The following TBCK variants were observed in gnomAD, a reference collection of about 807,000 sequenced individuals.
The protein encoded by TBCK is TBC domain-containing protein kinase-like protein.
Under a neutral mutation model 113.4 loss-of-function variants are expected in TBCK, and 99 were observed. That is an observed-to-expected ratio of 0.87 (90% CI 0.74 to 1.03). The LOEUF is 1.03. TBCK is among the 50% of genes least tolerant of loss of function. The pLI is 0.00. For missense variants in TBCK, 1,045 were observed against 1,061.3 expected (o/e 0.98, Z 0.21); for synonymous variants, 369 against 370.8 (o/e 1.00, Z 0.05).
intron 24 of TBCK, among the ~76,000 whole-genome samples, chr4:106,096,638 G>A (rs1740942259): frequency 6.6e-6 from 1 of 152,162 alleles, no homozygotes; most frequent in South Asian, 2.1e-4. Flanking sequence ...GTGAGCCTAG[G>A]TTGTCGTGTT....
chr4:106,222,552 A>G (rs1234877808), intron 19 of TBCK, among the ~76,000 whole-genome samples: 6 of 152,124 alleles, frequency 3.9e-5, no homozygotes, highest in Non-Finnish European at 8.8e-5. Context: ...TGGGATTTAA[A>G]ACAAATGTTT....
intron 3 of TBCK, among the ~76,000 whole-genome samples, chr4:106,285,134 C>T (rs930345514): frequency 3.3e-5 from 5 of 152,072 alleles, no homozygotes; most frequent in Non-Finnish European, 7.4e-5. Flanking sequence ...CAGCAGCTGT[C>T]TCAAAATTAA....
chr4:106,290,312 G>C (rs1033584893), intron 3 of TBCK, among the ~76,000 whole-genome samples: 1 of 151,998 alleles, frequency 6.6e-6, no homozygotes, highest in African/African-American at 2.4e-5. Context: ...TGGGTAGCTG[G>C]GACTACAGGC....
intron 7 of TBCK, among the ~76,000 whole-genome samples, 174 bp downstream of exon 7, chr4:106,250,244 G>A (rs1333131145): frequency 6.6e-6 from 1 of 151,998 alleles, no homozygotes; most frequent in Non-Finnish European, 1.5e-5. Flanking sequence ...TAATATTTTA[G>A]AAGGGACCTC....
chr4:106,188,869 C>T (rs1753338091), intron 22 of TBCK, among the ~76,000 whole-genome samples: 1 of 152,170 alleles, frequency 6.6e-6, no homozygotes, highest in African/African-American at 2.4e-5. Context: ...AATCACGTTA[C>T]AATTTCAGAG....
intron 2 of TBCK, among the ~76,000 whole-genome samples, chr4:106,301,173 A>G: frequency 6.8e-6 from 1 of 146,904 alleles, no homozygotes; most frequent in East Asian, 2.0e-4. Context: ...AACTTATATA[A>G]TTATATATAT....
intron 23 of TBCK, among the ~76,000 whole-genome samples, chr4:106,124,615 T>G (rs938080074): frequency 6.6e-5 from 10 of 152,074 alleles, no homozygotes; most frequent in Non-Finnish European, 1.2e-4. Context: ...TGTCCAACAA[T>G]GATAGACTGG....
chr4:106,194,593 G>T, intron 21 of TBCK, 125 bp downstream of exon 21: 1 of 692,588 alleles, frequency 1.4e-6, no homozygotes, highest in Non-Finnish European at 2.4e-6. Context: ...ACTCTATTAT[G>T]TTAGAAACAC....
chr4:106,161,813 C>T (rs1407341266), intron 23 of TBCK, among the ~76,000 whole-genome samples: 1 of 151,830 alleles, frequency 6.6e-6, no homozygotes, highest in African/African-American at 2.4e-5. Flanking sequence ...AACCGGAAGC[C>T]ATGGTAACTG....
At position 106,044,011 on chromosome 4, in the gene TBCK, AT is replaced by A. The variant is rs1247301687; in HGVS notation, c.*2558del. The A allele has an allele frequency of 6.6e-6, 1 of 152,188 alleles. No individual in the cohort carries two copies. Among genetic ancestry groups the A allele is most frequent in the Non-Finnish European group, 1.5e-5 (1 of 68,034 alleles). 9.4% of individuals were successfully genotyped at this position (152,188 alleles called of 1,614,324 possible). A position where few individuals can be genotyped will look rare whatever the true frequency, so the allele number is the denominator to read the frequency against. On this transcript the variant is annotated 3_prime_UTR_variant, in exon 26 of 26. Transcript: ENST00000394708. ...TACTTTACTGTTGAGAATATTAAAT[AT>A]TATAATTTTCATGTTTAAAAAACTT...
chr4:106,182,971 A>C (rs1752578742), intron 22 of TBCK, among the ~76,000 whole-genome samples: 5 of 152,106 alleles, frequency 3.3e-5, no homozygotes. Flanking sequence ...ACGTTTAAGG[A>C]CTGTTAGTAG....
At position 106,235,332 on chromosome 4, in the gene TBCK, T is replaced by C. The variant is rs1029094834; in HGVS notation, c.1386A>G (p.Glu462=). ...TAAGAGGAGGAATGTCAACTCTTGC[T>C]TCTTTCCAGATTTGGTTTTTTTTAT... ...YPYKKNQIWK[E]ARVDIPPLMR... is the part of the protein sequence containing the mutation. The change falls in exon 15 of 26, where the codon GAA becomes GAG. Residue 462 remains glutamate, a synonymous_variant. Coordinates refer to ENST00000394708, the MANE Select transcript of TBCK (RefSeq NM_001163435.3). 9.9e-6 allele frequency: 16 copies of C among 1,610,640 alleles called. No individual in the cohort carries two copies. Among genetic ancestry groups the C allele is most frequent in the African/African-American group, 1.3e-5 (1 of 74,748 alleles).
At chr4:106,266,144 G>C (rs1369444405) in intron 3 of TBCK, among the ~76,000 whole-genome samples, 2 of 151,614 alleles carry the variant, frequency 1.3e-5, no homozygotes, top group Admixed American at 6.6e-5. Flanking sequence ...AATAGTTATA[G>C]AGGCAAAGAT....
intron 23 of TBCK, 63 bp downstream of exon 23, chr4:106,171,032 G>T: frequency 1.6e-6 from 2 of 1,279,866 alleles, no homozygotes; most frequent in South Asian, 1.6e-5. Context: ...AAGATACTAG[G>T]GTATATTAAT....
intron 23 of TBCK, among the ~76,000 whole-genome samples, chr4:106,123,610 T>C (rs1039909721): frequency 2.0e-5 from 3 of 152,146 alleles, no homozygotes; most frequent in Non-Finnish European, 4.4e-5. Flanking sequence ...TCACACTACC[T>C]GACTTCAAAC....
intron 19 of TBCK, chr4:106,213,492 C>A: frequency 6.2e-6 from 1 of 162,386 alleles, no homozygotes; most frequent in Non-Finnish European, 1.3e-5. Context: ...AGACAGTGGG[C>A]GCAGGCAAGT....
intron 25 of TBCK, among the ~76,000 whole-genome samples, chr4:106,048,765 T>C (rs1425563202): frequency 6.6e-6 from 1 of 152,148 alleles, no homozygotes; most frequent in Non-Finnish European, 1.5e-5. Flanking sequence ...GGACTGTACA[T>C]GCAACTAATC....
chr4:106,064,174 C>T (rs969768412), intron 25 of TBCK, among the ~76,000 whole-genome samples: 1 of 151,718 alleles, frequency 6.6e-6, no homozygotes, highest in Non-Finnish European at 1.5e-5. Flanking sequence ...TGGGTTGTTA[C>T]CTTATTTTAA....
rs1412042887 is a variant in TBCK, at chr4:106,042,689, G to C, written c.*3881C>G. ...CTAATTCCCAAAGGAATATTTTTTGGTAACTATTTGGAGGAGGAAAGCACA... is the reference window on the plus strand; with the variant it reads ...CTAATTCCCAAAGGAATATTTTTTGCTAACTATTTGGAGGAGGAAAGCACA... On this transcript the variant is annotated 3_prime_UTR_variant, in exon 26 of 26. Coordinates refer to ENST00000394708, the MANE Select transcript of TBCK (RefSeq NM_001163435.3). 12 of 152,030 alleles carry C rather than the reference G, an allele frequency of 7.9e-5. No individual in the cohort carries two copies. The highest frequency in any genetic ancestry group is 2.0e-4 in the Admixed American group (3 of 15,276). 9.4% of individuals were successfully genotyped at this position (152,030 alleles called of 1,614,324 possible).
Sources: allele counts gnomAD v4.1 joint callset (sites outside exome capture counted in the v4.1 genomes callset), GRCh38; gene constraint gnomAD v4.1.1; transcripts MANE v1.5; gene names NCBI Gene and HGNC (gene_info 2026-07-23, HGNC 2026-07-21).